RABGAP1L: variants seen among roughly 807,000 people sequenced by gnomAD.
The protein encoded by RABGAP1L is RAB GTPase activating protein 1 like, also known as rab GTPase-activating protein 1-like.
A neutral mutation model predicts 137.7 loss-of-function variants in RABGAP1L; 63 were observed. The observed-to-expected ratio is 0.46, with a 90% CI of 0.37 to 0.56. The LOEUF is 0.56. RABGAP1L is among the 20% of genes least tolerant of loss of function. The probability of loss-of-function intolerance (pLI) is 0.00; values close to 1 mark genes in which losing one functional copy is unlikely to be tolerated. For synonymous variants in RABGAP1L, 431 were observed against 433.7 expected, an observed-to-expected ratio of 0.99 and a Z score of 0.08; for missense variants, 1,095 against 1,244.0, an observed-to-expected ratio of 0.88 and a Z score of 1.80.
chr1:174,304,968 C>T lies in RABGAP1L; in HGVS notation c.1324-18C>T, dbSNP rs1326859931. The T allele has an allele frequency of 6.6e-7, 1 of 1,510,744 alleles. No homozygotes were observed. Among genetic ancestry groups the T allele is most frequent in the Non-Finnish European group, 8.9e-7 (1 of 1,128,524 alleles). The allele number at this position is 1,510,744 out of a possible 1,614,324, so 93.6% of individuals were successfully genotyped here. Reference sequence around the variant, plus strand: ...TTCAGATTTCTAATACTTAAATATACTGTTATATTTTTCTCAGTCTGAGGG... The same window carrying T: ...TTCAGATTTCTAATACTTAAATATATTGTTATATTTTTCTCAGTCTGAGGG... On this transcript the variant is annotated intron_variant, in intron 10 of 25. Transcript: ENST00000681986.
intron 13 of RABGAP1L, among the ~76,000 whole-genome samples, chr1:174,480,395 G>C (rs1271127817): frequency 6.6e-6 from 1 of 152,118 alleles, no homozygotes; most frequent in South Asian, 2.1e-4. Context: ...ATATGACTTT[G>C]CAATTCAGAA....
At chr1:174,722,787 A>G (rs1681675625) in intron 17 of RABGAP1L, among the ~76,000 whole-genome samples, 1 of 152,070 alleles carries the variant, frequency 6.6e-6, no homozygotes, top group South Asian at 2.1e-4. Flanking sequence ...ATAAATGGCT[A>G]GCAAGAATCT....
chr1:174,335,543 T>C (rs1681402946), intron 11 of RABGAP1L, among the ~76,000 whole-genome samples: 1 of 152,180 alleles, frequency 6.6e-6, no homozygotes, highest in South Asian at 2.1e-4. Context: ...CAATACTGTT[T>C]TATGAGGATT....
At chr1:174,988,582 A>C in intron 24 of RABGAP1L, 59 bp from the exon 25 acceptor site, 1 of 1,340,148 alleles carries the variant, frequency 7.5e-7, no homozygotes, top group African/African-American at 1.5e-5. Context: ...AAATTGTTTC[A>C]GAAGGTGATT....
At chr1:174,617,228 C>G (rs1471361041) in intron 13 of RABGAP1L, among the ~76,000 whole-genome samples, 1 of 152,300 alleles carries the variant, frequency 6.6e-6, no homozygotes, top group Admixed American at 6.5e-5. Flanking sequence ...AGGGATTAAT[C>G]AAGTTTCAGC....
At chr1:174,610,979 C>T (rs936865297) in intron 13 of RABGAP1L, among the ~76,000 whole-genome samples, 26 of 150,962 alleles carry the variant, frequency 1.7e-4, no homozygotes, top group African/African-American at 3.2e-4. Context: ...GAGTAGGTTG[C>T]GAAAATTTTC....
intron 18 of RABGAP1L, among the ~76,000 whole-genome samples, chr1:174,779,728 T>C (rs1686808225): frequency 6.6e-6 from 1 of 152,188 alleles, no homozygotes; most frequent in African/African-American, 2.4e-5. Flanking sequence ...GTTAATTGTT[T>C]ATATGGTAAA....
chr1:174,641,338 A>G (rs554554442), intron 14 of RABGAP1L, among the ~76,000 whole-genome samples: 2 of 152,268 alleles, frequency 1.3e-5, no homozygotes, highest in East Asian at 3.9e-4. Context: ...GCCTCTTAAT[A>G]TCTTTCTTCA....
At chr1:174,490,177 G>A (rs946473775) in intron 13 of RABGAP1L, among the ~76,000 whole-genome samples, 5 of 151,978 alleles carry the variant, frequency 3.3e-5, no homozygotes, top group African/African-American at 9.7e-5. Context: ...TGAAGGGTTA[G>A]GTATTTATTG....
intron 15 of RABGAP1L, among the ~76,000 whole-genome samples, chr1:174,690,857 T>C (rs968867141): frequency 3.0e-4 from 40 of 132,778 alleles, no homozygotes; most frequent in African/African-American, 1.1e-3. Context: ...TTTTGAGACA[T>C]GGTCTCGCTC....
rs924528364 is a variant in RABGAP1L, at chr1:174,272,546, T to C, written c.1053+66T>C. The C allele has an allele frequency of 1.1e-5, 16 of 1,407,198 alleles. No homozygotes were observed. In the Admixed American group the frequency reaches 4.6e-4, roughly 40 times the overall value. The allele number at this position is 1,407,198 out of a possible 1,614,324, so 87.2% of individuals were successfully genotyped here. A position where few individuals can be genotyped will look rare whatever the true frequency, so the allele number is the denominator to read the frequency against. ...AGTTATTTTATATTTGACAAGTATT[T>C]TCTATTTACAAATTTTGTCATATTG... On this transcript the variant is annotated intron_variant, in intron 8 of 25. Coordinates refer to ENST00000681986, the MANE Select transcript of RABGAP1L (RefSeq NM_001366446.1).
intron 13 of RABGAP1L, among the ~76,000 whole-genome samples, chr1:174,395,388 T>G (rs989446707): frequency 2.0e-5 from 3 of 152,158 alleles, no homozygotes; most frequent in Non-Finnish European, 2.9e-5. Context: ...ATGTCAAGTT[T>G]TTTTTTTAAT....
intron 4 of RABGAP1L, among the ~76,000 whole-genome samples, chr1:174,234,595 C>A (rs1670988158): frequency 6.6e-6 from 1 of 151,234 alleles, no homozygotes; most frequent in Non-Finnish European, 1.5e-5. Context: ...GGCATTATTT[C>A]TGAGGGCTCT....
Position 174,260,889 on chromosome 1 carries a change from C to T in RABGAP1L, c.986+8299C>T, listed in dbSNP as rs116030251. On this transcript the variant is annotated intron_variant, in intron 7 of 25. Transcript: ENST00000681986. Reference sequence around the variant, plus strand: ...ATTTTTTCAGTCTTTGCCATTAGTGCTCTGTCTAGTTGATTTTTTTTTTTG... The same window carrying T: ...ATTTTTTCAGTCTTTGCCATTAGTGTTCTGTCTAGTTGATTTTTTTTTTTG... Among the ~76,000 whole-genome samples, 564 of 151,182 alleles carry T rather than the reference C, an allele frequency of 3.7e-3. 4 individuals carry two copies. Among genetic ancestry groups the T allele is most frequent in the African/African-American group, 0.012 (485 of 40,676 alleles).
intron 18 of RABGAP1L, among the ~76,000 whole-genome samples, chr1:174,785,030 T>C (rs2148778698): frequency 6.6e-6 from 1 of 152,340 alleles, no homozygotes; most frequent in African/African-American, 2.4e-5. Context: ...CACAATACAA[T>C]ATTTCCATAT....
chr1:174,695,174 C>A (rs1449560063), intron 15 of RABGAP1L, among the ~76,000 whole-genome samples: 2 of 152,222 alleles, frequency 1.3e-5, no homozygotes, highest in South Asian at 2.1e-4. Flanking sequence ...CAACTCCAGT[C>A]CATTTATTTT....
At chr1:174,198,497 G>A (rs1667861505) in intron 1 of RABGAP1L, among the ~76,000 whole-genome samples, 1 of 152,144 alleles carries the variant, frequency 6.6e-6, no homozygotes, top group African/African-American at 2.4e-5. Flanking sequence ...GAATTTTTAA[G>A]CTCTTTGGAT....
chr1:174,494,245 T>G (rs1345490456), intron 13 of RABGAP1L, among the ~76,000 whole-genome samples: 1 of 152,130 alleles, frequency 6.6e-6, no homozygotes, highest in Non-Finnish European at 1.5e-5. Context: ...GCTTTTGTGT[T>G]GATGTTCTGT....
At chr1:174,404,349 T>G (rs1237004013) in intron 13 of RABGAP1L, among the ~76,000 whole-genome samples, 1 of 152,146 alleles carries the variant, frequency 6.6e-6, no homozygotes, top group African/African-American at 2.4e-5. Flanking sequence ...AGCTTCCATT[T>G]AATGAGTTAG....
Sources: gnomAD v4.1 joint callset for allele counts (sites outside exome capture counted in the v4.1 genomes callset) on GRCh38, gnomAD v4.1.1 for gene constraint, MANE v1.5 for transcripts, NCBI Gene and HGNC (gene_info 2026-07-23, HGNC 2026-07-21) for gene names.